Variants in CFAP53 observed in about 807,000 individuals in gnomAD.
CFAP53 encodes cilia- and flagella-associated protein 53.
A neutral mutation model predicts 59.7 loss-of-function variants in CFAP53; 62 were observed. The ratio of observed to expected loss-of-function variants is 1.04; its 90% CI spans 0.85 to 1.28. The LOEUF is 1.28. Ranked by LOEUF, CFAP53 falls within the 50% of genes most tolerant of loss-of-function variation. The pLI is 0.00. For synonymous variants in CFAP53, 218 were observed against 205.7 expected, an observed-to-expected ratio of 1.06 and a Z score of -0.51; for missense variants, 629 against 615.6, an observed-to-expected ratio of 1.02 and a Z score of -0.23.
At chr18:50,252,289 A>G (rs1191492163) in intron 3 of CFAP53, among the ~76,000 whole-genome samples, 1 of 151,962 alleles carries the variant, frequency 6.6e-6, no homozygotes. Flanking sequence ...TATTTTTAGT[A>G]GAGACGGGGT....
At chr18:50,240,671 C>T (rs2144410333) in intron 6 of CFAP53, among the ~76,000 whole-genome samples, 2 of 152,352 alleles carry the variant, frequency 1.3e-5, no homozygotes, top group Admixed American at 1.3e-4. Context: ...TCTAACATCA[C>T]TGACGAATAT....
chr18:50,234,409 C>T, intron 7 of CFAP53, among the ~76,000 whole-genome samples: 1 of 152,168 alleles, frequency 6.6e-6, no homozygotes, highest in East Asian at 1.9e-4. Context: ...ATTCATATAA[C>T]ACAAGTAAAA....
At position 50,240,869 on chromosome 18, in the gene CFAP53, T is replaced by C. The variant is rs74949213; in HGVS notation, c.1213+2031A>G. On this transcript the variant is annotated intron_variant, in intron 6 of 7. Transcript: ENST00000398545. ...GGTACCCTAACAAGAAATGTGTTTA[T>C]TGCCGCTCTGGTCCATTGGGCTGGA... is the stretch of plus-strand genomic sequence containing the variant. 7.5e-3 allele frequency among the ~76,000 whole-genome samples: 1,138 copies of C among 152,326 alleles called. 27 individuals carry two copies. The East Asian group carries it at 0.076, about 10-fold the overall frequency.
intron 4 of CFAP53, 139 bp downstream of exon 4, chr18:50,251,342 A>G: frequency 1.3e-6 from 1 of 742,752 alleles, no homozygotes; most frequent in African/African-American, 1.8e-5. Flanking sequence ...TACATTATTA[A>G]ACAGCACTAA....
At chr18:50,243,163 C>T (rs2033709188) in intron 5 of CFAP53, 47 bp from the exon 6 acceptor site, 2 of 1,379,982 alleles carry the variant, frequency 1.4e-6, no homozygotes, top group African/African-American at 1.4e-5. Context: ...TGGTGTGATA[C>T]TATAGTAAGG....
intron 3 of CFAP53, 122 bp from the exon 4 acceptor site, chr18:50,251,906 C>G: frequency 1.2e-6 from 1 of 847,556 alleles, no homozygotes; most frequent in South Asian, 1.7e-5. Flanking sequence ...TGCAGGCCAT[C>G]GGAGCACAGG....
At chr18:50,255,029 A>G (rs2144427811) in intron 3 of CFAP53, among the ~76,000 whole-genome samples, 1 of 152,368 alleles carries the variant, frequency 6.6e-6, no homozygotes, top group African/African-American at 2.4e-5. Context: ...GCAAAACTAG[A>G]AACAACCAAA....
At chr18:50,253,851 C>T (rs562031845) in intron 3 of CFAP53, among the ~76,000 whole-genome samples, 249 of 152,222 alleles carry the variant, frequency 1.6e-3, no homozygotes, top group African/African-American at 5.7e-3. Flanking sequence ...TACCTCTGAT[C>T]CACAGGCATT....
intron 3 of CFAP53, among the ~76,000 whole-genome samples, chr18:50,258,263 C>T (rs1057460736): frequency 6.6e-6 from 1 of 152,016 alleles, no homozygotes; most frequent in African/African-American, 2.4e-5. Flanking sequence ...GACACATAAA[C>T]CAATGAAAAA....
intron 7 of CFAP53, among the ~76,000 whole-genome samples, chr18:50,231,048 C>G (rs1310177566): frequency 1.3e-5 from 2 of 152,178 alleles, no homozygotes; most frequent in African/African-American, 4.8e-5. Flanking sequence ...ATACAGCCCT[C>G]CTGTGCAGAT....
intron 3 of CFAP53, among the ~76,000 whole-genome samples, chr18:50,257,903 A>C (rs1478393258): frequency 6.6e-6 from 1 of 151,940 alleles, no homozygotes; most frequent in Non-Finnish European, 1.5e-5. Flanking sequence ...GGCAGTACAC[A>C]CCTGTGGTCC....
intron 6 of CFAP53, among the ~76,000 whole-genome samples, chr18:50,242,368 A>G (rs776353937): frequency 3.9e-5 from 6 of 152,234 alleles, no homozygotes; most frequent in Non-Finnish European, 8.8e-5. Flanking sequence ...TTTGAGAACT[A>G]ATAAATGTCC....
chr18:50,227,517 C>T lies in CFAP53; in HGVS notation c.1409G>A (p.Arg470His), dbSNP rs147186159. 8.4e-5 allele frequency: 135 copies of T among 1,614,070 alleles called. No homozygotes were observed. Among genetic ancestry groups the T allele is most frequent in the Admixed American group, 1.2e-4 (7 of 60,008 alleles). ...QSQEAEKEEK[R>H]REFEAGVAAN... is the part of the protein sequence containing the mutation. Reference sequence around the variant, plus strand: ...TGCTACACCTGCTTCAAACTCTCGGCGTTTCTCTTCCTTCTCTGCTTCTTG... The same window carrying T: ...TGCTACACCTGCTTCAAACTCTCGGTGTTTCTCTTCCTTCTCTGCTTCTTG... Residue 470 changes from arginine (R) to histidine (H), a missense_variant, in exon 8 of 8, where the codon CGC becomes CAC. Transcript: ENST00000398545.
At chr18:50,244,867 C>T (rs1273761788) in intron 5 of CFAP53, among the ~76,000 whole-genome samples, 1 of 151,184 alleles carries the variant, frequency 6.6e-6, no homozygotes, top group Non-Finnish European at 1.5e-5. Flanking sequence ...TGGAAACCAG[C>T]CTGGCCAACA....
At chr18:50,261,961 G>A in intron 2 of CFAP53, 29 bp downstream of exon 2, 13 of 1,549,336 alleles carry the variant, frequency 8.4e-6, no homozygotes, top group Non-Finnish European at 1.2e-5. Context: ...AATATTTCAT[G>A]GTTTATGTCC....
chr18:50,262,978 A>G (rs898374369), intron 1 of CFAP53, among the ~76,000 whole-genome samples: 2 of 152,232 alleles, frequency 1.3e-5, no homozygotes, highest in African/African-American at 4.8e-5. Context: ...TTTTACAGAA[A>G]TGTCCACTAA....
At chr18:50,261,481 T>G (rs906487785) in intron 2 of CFAP53, among the ~76,000 whole-genome samples, 1 of 152,124 alleles carries the variant, frequency 6.6e-6, no homozygotes, top group Non-Finnish European at 1.5e-5. Flanking sequence ...AGCCTTGACC[T>G]CCTGGGCTCA....
In CFAP53 at chr18:50,266,372, C is replaced by T. The variant is rs771760827; in HGVS notation, c.33G>A (p.Arg11=). 3 of 1,614,276 alleles carry T rather than the reference C, an allele frequency of 1.9e-6. No homozygotes were observed. Among genetic ancestry groups the T allele is most frequent in the South Asian group, 2.2e-5 (2 of 91,092 alleles). ...CTTTGGGGGTGGGGCCCTTAACCTCCCGCTGTACGGTGCCAAACCGCTGGC... is the reference window on the plus strand; with the variant it reads ...CTTTGGGGGTGGGGCCCTTAACCTCTCGCTGTACGGTGCCAAACCGCTGGC... MYSQRFGTVQ[R]EVKGPTPKVV... Residue 11 remains arginine (R), a synonymous_variant, in exon 1 of 8, where the codon CGG becomes CGA. Transcript: ENST00000398545.
At chr18:50,258,965 G>A (rs1307321115) in intron 3 of CFAP53, among the ~76,000 whole-genome samples, 1 of 152,182 alleles carries the variant, frequency 6.6e-6, no homozygotes, top group Non-Finnish European at 1.5e-5. Flanking sequence ...ACAAATCTTG[G>A]TGAGGATGCA....
Sources: gnomAD v4.1 joint callset for allele counts (sites outside exome capture counted in the v4.1 genomes callset) on GRCh38, gnomAD v4.1.1 for gene constraint, MANE v1.5 for transcripts, NCBI Gene and HGNC (gene_info 2026-07-23, HGNC 2026-07-21) for gene names.